Variants in LLGL2 observed in about 807,000 individuals in gnomAD.
LLGL2 encodes LLGL scribble cell polarity complex component 2.
Under a neutral mutation model 123.2 loss-of-function variants are expected in LLGL2, and 81 were observed. The observed-to-expected ratio is 0.66, with a 90% CI of 0.55 to 0.79. The LOEUF is 0.79. Ranked by LOEUF, LLGL2 falls within the 30% of genes least tolerant of loss-of-function variation. The pLI is 0.00. For synonymous variants in LLGL2, 577 were observed against 594.1 expected (o/e 0.97, Z 0.42); for missense variants, 1,273 against 1,414.6 (o/e 0.90, Z 1.61).
At position 75,571,006 on chromosome 17, in the gene LLGL2, G is replaced by C; in HGVS notation, c.2082G>C (p.Ala694=). The C allele has an allele frequency of 6.2e-7, 1 of 1,613,040 alleles. No homozygotes were observed. The highest frequency in any genetic ancestry group is 8.5e-7 in the Non-Finnish European group (1 of 1,179,950). Residue 694 remains alanine, a synonymous_variant, in exon 17 of 26, where the codon GCG becomes GCC. Transcript: ENST00000392550. ...ERPGLQNMEL[A]PVQRKIEARS... is the part of the protein sequence containing the mutation. ...CAGGCCTCCAGAACATGGAGCTGGC[G>C]CCTGTGCAGCGCAAGATCGAGGCTC...
At chr17:75,572,872 C>T in intron 19 of LLGL2, 142 bp from the exon 20 acceptor site, 2 of 1,008,982 alleles carry the variant, frequency 2.0e-6, no homozygotes, top group Non-Finnish European at 2.8e-6. Flanking sequence ...CGGCATCCTC[C>T]CAGGCCATGT....
At position 75,574,498 on chromosome 17, in the gene LLGL2, G is replaced by A. The variant is rs1441612819; in HGVS notation, c.2996+3G>A. The stretch of plus-strand genomic sequence containing the variant: ...AGCACACTGGAGGGAGACCGCGGGT[G>A]AGGCACCGCCCAGGCCAGCTGGGGT... On this transcript the variant is annotated splice_donor_region_variant and intron_variant, in intron 24 of 25. Transcript: ENST00000392550. 28 of 1,561,262 alleles carry A rather than the reference G, an allele frequency of 1.8e-5. No individual in the cohort carries two copies. The highest frequency in any genetic ancestry group is 2.2e-5 in the Non-Finnish European group (25 of 1,153,998).
In LLGL2 at chr17:75,559,105, A is replaced by G; in HGVS notation, c.372-147A>G. On this transcript the variant is annotated intron_variant, in intron 5 of 25. Coordinates refer to ENST00000392550, the MANE Select transcript of LLGL2 (RefSeq NM_001031803.2). This position sits in a 1 kb window ranked among gnomAD's most constrained non-coding sequence, Gnocchi z 4.6. ...GCCATCTGTCTCCTGTCTTGGCAGA[A>G]AGTGACCAATGTTTGTCCTGGCTTG... The G allele has an allele frequency of 1.1e-6, 1 of 878,962 alleles. No homozygotes were observed. The highest frequency in any genetic ancestry group is 3.0e-5 in the Admixed American group (1 of 32,908). 54.4% of individuals were successfully genotyped at this position (878,962 alleles called of 1,614,324 possible). A position where few individuals can be genotyped will look rare whatever the true frequency, so the allele number is the denominator to read the frequency against.
intron 1 of LLGL2, among the ~76,000 whole-genome samples, chr17:75,540,121 G>T (rs1210007514): frequency 2.0e-5 from 3 of 152,182 alleles, no homozygotes; most frequent in Non-Finnish European, 4.4e-5. Context: ...GTGATGGTGA[G>T]CCCTGGCCTG....
In LLGL2 at chr17:75,558,111, G is replaced by C. The variant is rs764942221; in HGVS notation, c.174-44G>C. 117 of 1,583,900 alleles carry C rather than the reference G, an allele frequency of 7.4e-5. No homozygotes were observed. The highest frequency in any genetic ancestry group is 9.6e-5 in the Non-Finnish European group (111 of 1,153,088). ...GGGCCTGGCACTCAAGGCAGGCAGG[G>C]GATGGTGTCCGACCTTCCAGAGCTT... On this transcript the variant is annotated intron_variant, in intron 3 of 25. Transcript: ENST00000392550. This position sits in a 1 kb window ranked among gnomAD's most constrained non-coding sequence, Gnocchi z 4.0.
intron 10 of LLGL2, 86 bp from the exon 11 acceptor site, chr17:75,568,390 C>G: frequency 6.6e-7 from 1 of 1,506,648 alleles, no homozygotes. Context: ...TGCAGATGCC[C>G]TGGCTCCAAC....
intron 1 of LLGL2, among the ~76,000 whole-genome samples, chr17:75,527,005 A>C (rs918024621): frequency 3.3e-5 from 5 of 151,656 alleles, no homozygotes; most frequent in African/African-American, 1.2e-4. Context: ...TCGTCTCTGC[A>C]AATAATAAAA....
chr17:75,556,091 AG>A lies in LLGL2; in HGVS notation c.122del (p.Ser41ThrfsTer36), dbSNP rs1469953014. On this transcript the variant is annotated frameshift_variant, in exon 3 of 26. Transcript: ENST00000392550. LOFTEE classifies it high-confidence loss of function. ...FPHQPSALGY[S>X]PSLRILAIGT... ...GCACCAGCCCAGCGCCCTCGGCTAC[AG>A]CCCGTCCCTGCGCATCCTGGCCATC... 1 of 1,610,098 alleles carries A rather than the reference AG, an allele frequency of 6.2e-7. No individual in the cohort carries two copies. The highest frequency in any genetic ancestry group is 8.5e-7 in the Non-Finnish European group (1 of 1,180,008).
At chr17:75,551,153 C>A (rs566370055) in intron 2 of LLGL2, among the ~76,000 whole-genome samples, 3 of 152,136 alleles carry the variant, frequency 2.0e-5, no homozygotes, top group Non-Finnish European at 4.4e-5. Context: ...AGGTCACTGC[C>A]CTTATTTTGG....
intron 10 of LLGL2, chr17:75,568,164 A>G: frequency 7.8e-7 from 1 of 1,275,924 alleles, no homozygotes; most frequent in Non-Finnish European, 9.9e-7. Flanking sequence ...TGGAGGAGAA[A>G]CCAGGGAAGA....
At position 75,548,279 on chromosome 17, in the gene LLGL2, CT is replaced by C. The variant is rs112381847; in HGVS notation, c.75+4794del. Among the ~76,000 whole-genome samples, 118 of 144,250 alleles carry C rather than the reference CT, an allele frequency of 8.2e-4. 1 individual carries two copies. Among genetic ancestry groups the C allele is most frequent in the Middle Eastern group, 3.5e-3 (1 of 282 alleles). The allele number at this position is 144,250 out of a possible 152,430, so 94.6% of individuals were successfully genotyped here. ...TTACAGAAGGACAATTTTTTTTTTC[CT>C]TTTTTTTTTTTTTTTGGACGGAGTT... On this transcript the variant is annotated intron_variant, in intron 2 of 25. Transcript: ENST00000392550.
chr17:75,565,802 C>T (rs140832493), intron 10 of LLGL2, among the ~76,000 whole-genome samples: 2 of 152,306 alleles, frequency 1.3e-5, no homozygotes, highest in Non-Finnish European at 2.9e-5. Flanking sequence ...CACCCTGAAG[C>T]TCTCACGTAA....
Position 75,574,651 on chromosome 17 carries a change from G to T in LLGL2, c.3038G>T (p.Ser1013Ile). 6.2e-7 allele frequency: 1 copy of T among 1,612,052 alleles called. No individual in the cohort carries two copies. The highest frequency in any genetic ancestry group is 8.5e-7 in the Non-Finnish European group (1 of 1,179,582). Residue 1013 changes from serine (S) to isoleucine (I), a missense_variant, in exon 25 of 26, where the codon AGC (serine) becomes ATC (isoleucine). By Grantham distance (142) the Ser-to-Ile change is moderately radical. Transcript: ENST00000392550. ...WRSHRAAVGC[S>I]LSNGGAE ...TCACATCGAGCCGCCGTGGGGTGCA[G>T]CCTCAGCAATGGCGGAGGTGGGGGC...
chr17:75,553,592 T>C (rs1375600514), intron 2 of LLGL2, among the ~76,000 whole-genome samples: 1 of 152,186 alleles, frequency 6.6e-6, no homozygotes, highest in African/African-American at 2.4e-5. Context: ...TTGGGACCTT[T>C]TTCTGCAAGT....
chr17:75,573,172 C>T lies in LLGL2; in HGVS notation c.2619C>T (p.Ile873=). ...CAGTCCTTACCAACCTGGGCGACAT[C>T]CAGGTGGTCTCGCTGCCCCTGCTCA... The part of the protein sequence containing the change: ...HLAVLTNLGD[I]QVVSLPLLKP... Residue 873 remains isoleucine (I), a synonymous_variant, in exon 20 of 26, where the codon ATC becomes ATT. Transcript: ENST00000392550. The T allele has an allele frequency of 6.2e-7, 1 of 1,613,086 alleles. No individual in the cohort carries two copies. The highest frequency in any genetic ancestry group is 1.7e-4 in the Middle Eastern group (1 of 6,060).
chr17:75,552,626 C>G (rs1444868678), intron 2 of LLGL2, among the ~76,000 whole-genome samples: 1 of 152,182 alleles, frequency 6.6e-6, no homozygotes, highest in Non-Finnish European at 1.5e-5. Context: ...TACGGCACAT[C>G]TCAGTTCAGA....
intron 1 of LLGL2, among the ~76,000 whole-genome samples, chr17:75,531,550 C>T (rs1426965241): frequency 6.6e-6 from 1 of 152,216 alleles, no homozygotes; most frequent in African/African-American, 2.4e-5. Flanking sequence ...TAGGTGATAT[C>T]GTTCTCAGGG....
chr17:75,571,910 A>G lies in LLGL2; in HGVS notation c.2306A>G (p.Gln769Arg). 1 of 1,612,266 alleles carries G rather than the reference A, an allele frequency of 6.2e-7. No individual in the cohort carries two copies. Among genetic ancestry groups the G allele is most frequent in the Non-Finnish European group, 8.5e-7 (1 of 1,179,966 alleles). The change falls in exon 19 of 26, where the codon CAG becomes CGG. Residue 769 changes from glutamine (Q) to arginine (R), a missense_variant. Physicochemically the swap from Gln to Arg is conservative, Grantham distance 43 (BLOSUM62 1). Transcript: ENST00000392550. ...CTCCTCCCCCTAGCCAAGGAGATCC[A>G]GCTGATGCACCGGGCGCCGGTGGTG... is the stretch of plus-strand genomic sequence containing the variant. ...PVRAEQAKEI[Q>R]LMHRAPVVGI...
At chr17:75,562,143 G>A (rs1225267741) in intron 6 of LLGL2, 1 of 151,722 alleles carries the variant, frequency 6.6e-6, no homozygotes, top group Non-Finnish European at 1.5e-5. Flanking sequence ...TTTTTTTGTT[G>A]GCTGCAACAC....
Sources: gnomAD v4.1 joint callset for allele counts (sites outside exome capture counted in the v4.1 genomes callset) on GRCh38, gnomAD v4.1.1 for gene constraint, Gnocchi (gnomAD v3.1) non-coding constraint, MANE v1.5 for transcripts, NCBI Gene and HGNC (gene_info 2026-07-23, HGNC 2026-07-21) for gene names.